Variants in CEP162 observed in about 807,000 individuals in gnomAD.
CEP162 encodes the protein centrosomal protein of 162 kDa.
CEP162 carries 141 observed loss-of-function variants against 169.2 expected under a neutral mutation model. The ratio of observed to expected loss-of-function variants is 0.83; its 90% CI spans 0.73 to 0.96. The LOEUF is 0.96. Among genes scored for constraint, CEP162 ranks in the 40% least tolerant of loss-of-function variants. The probability of loss-of-function intolerance (pLI) is 0.00; values close to 1 mark genes in which losing one functional copy is unlikely to be tolerated. For synonymous variants in CEP162, 540 were observed against 526.4 expected (o/e 1.03, Z -0.35); for missense variants, 1,600 against 1,587.2 (o/e 1.01, Z -0.14).
chr6:84,203,946 T>C, intron 7 of CEP162, 35 bp downstream of exon 7: 1 of 1,362,790 alleles, frequency 7.3e-7, no homozygotes, highest in South Asian at 1.3e-5. Flanking sequence ...AGAAAAAAGT[T>C]GCAAAACTGT....
chr6:84,184,124 C>T (rs752820175), intron 13 of CEP162, among the ~76,000 whole-genome samples: 4 of 152,162 alleles, frequency 2.6e-5, no homozygotes, highest in African/African-American at 4.8e-5. Context: ...CCTTCTTCCA[C>T]TGTGCACCAG....
At chr6:84,169,470 C>T in intron 17 of CEP162, 37 bp from the exon 18 acceptor site, 1 of 1,230,818 alleles carries the variant, frequency 8.1e-7, no homozygotes. Flanking sequence ...GTTTTTCTTT[C>T]TTACCAGGTG....
chr6:84,194,350 G>A lies in CEP162; in HGVS notation c.1027+534C>T, dbSNP rs1192349925. ...AGCCTGGGCGACAGAGCAAGACTCC[G>A]TCTCAAAAAAAAAAAAAGAAAAGAA... On this transcript the variant is annotated intron_variant, in intron 10 of 26. Coordinates refer to ENST00000403245, the MANE Select transcript of CEP162 (RefSeq NM_014895.4). 6.9e-5 allele frequency among the ~76,000 whole-genome samples: 9 copies of A among 130,664 alleles called. No homozygotes were observed. The South Asian group carries it at 1.2e-3, about 17-fold the overall frequency. The allele number at this position is 130,664 out of a possible 152,430, so 85.7% of individuals were successfully genotyped here. A position where few individuals can be genotyped will look rare whatever the true frequency, so the allele number is the denominator to read the frequency against.
intron 25 of CEP162, 99 bp from the exon 26 acceptor site, chr6:84,126,611 G>T: frequency 1.2e-6 from 1 of 800,612 alleles, no homozygotes; most frequent in Non-Finnish European, 1.9e-6. Context: ...CTCTATATAA[G>T]TAAGAGGCAC....
chr6:84,183,495 C>G (rs2099535790), intron 13 of CEP162, among the ~76,000 whole-genome samples: 2 of 152,112 alleles, frequency 1.3e-5, no homozygotes, highest in South Asian at 4.1e-4. Flanking sequence ...TAATCACCTA[C>G]TATGACTATC....
At chr6:84,141,558 C>G (rs1336935258) in intron 25 of CEP162, among the ~76,000 whole-genome samples, 4 of 152,148 alleles carry the variant, frequency 2.6e-5, no homozygotes, top group African/African-American at 9.7e-5. Context: ...TGAACAAATT[C>G]CTTTAATCCT....
Position 84,221,043 on chromosome 6 carries a change from T to G in CEP162, c.172+14A>C, listed in dbSNP as rs150991254. 1,214 of 1,396,386 alleles carry G rather than the reference T, an allele frequency of 8.7e-4. 9 individuals carry two copies. In the African/African-American group the frequency reaches 0.015, roughly 18 times the overall value. 86.5% of individuals were successfully genotyped at this position (1,396,386 alleles called of 1,614,324 possible). A position where few individuals can be genotyped will look rare whatever the true frequency, so the allele number is the denominator to read the frequency against. On this transcript the variant is annotated intron_variant, in intron 3 of 26. Transcript: ENST00000403245. ...TGGTCAAATAATTTGAAACTAAAAA[T>G]CAGCAACATTTACCATCATCTTTAA...
intron 3 of CEP162, among the ~76,000 whole-genome samples, chr6:84,220,650 A>AT (rs1249735350): frequency 4.0e-5 from 6 of 151,454 alleles, no homozygotes; most frequent in African/African-American, 4.9e-5. Flanking sequence ...ATGGCAGTAA[A>AT]TTTTTTTTTA....
At chr6:84,176,898 T>A (rs532168598) in intron 13 of CEP162, among the ~76,000 whole-genome samples, 3 of 152,148 alleles carry the variant, frequency 2.0e-5, no homozygotes, top group African/African-American at 7.2e-5. Flanking sequence ...ATTTTAATTT[T>A]TTTTTTTGAG....
chr6:84,216,992 C>T (rs1360480324), intron 3 of CEP162, among the ~76,000 whole-genome samples: 1 of 152,096 alleles, frequency 6.6e-6, no homozygotes, highest in Non-Finnish European at 1.5e-5. Flanking sequence ...CTGAGTATTA[C>T]TTATTTTATT....
chr6:84,125,049 A>T lies in CEP162; in HGVS notation c.*21T>A. On this transcript the variant is annotated 3_prime_UTR_variant, in exon 27 of 27. Coordinates refer to ENST00000403245, the MANE Select transcript of CEP162 (RefSeq NM_014895.4). ...CATCTTCAGGCCTTTTAATAAGGTC[A>T]TTATGAAATCTGAATTTCTATTAAT... The T allele has an allele frequency of 1.9e-6, 3 of 1,579,996 alleles. No individual in the cohort carries two copies. Among genetic ancestry groups the T allele is most frequent in the Non-Finnish European group, 8.7e-7 (1 of 1,151,642 alleles).
At chr6:84,176,454 A>C (rs1457439216) in intron 13 of CEP162, among the ~76,000 whole-genome samples, 1 of 152,172 alleles carries the variant, frequency 6.6e-6, no homozygotes, top group African/African-American at 2.4e-5. Context: ...GGCTTTCAAA[A>C]CTTCCAAATC....
Position 84,215,844 on chromosome 6 carries a change from G to T in CEP162, c.251C>A (p.Ala84Asp), listed in dbSNP as rs749847550. The T allele has an allele frequency of 1.9e-6, 3 of 1,585,464 alleles. No individual in the cohort carries two copies. The Admixed American group carries it at 5.4e-5, about 28-fold the overall frequency. The change falls in exon 4 of 27, where the codon GCT becomes GAT. Residue 84 changes from alanine to aspartate, a missense_variant. By Grantham distance (126) the Ala-to-Asp change is moderately radical (BLOSUM62 -2). Coordinates refer to ENST00000403245, the MANE Select transcript of CEP162 (RefSeq NM_014895.4). Reference sequence around the variant, plus strand: ...GCTCTTAAGAAATTGAATCTTTTCAGCAGACTCCTCTTCTATTTCCATAAC... The same window carrying T: ...GCTCTTAAGAAATTGAATCTTTTCATCAGACTCCTCTTCTATTTCCATAAC... ...QPVMEIEEES[A>D]EKIQFLKSSG...
chr6:84,202,518 C>CTTTTTTTTT (rs70987776), intron 7 of CEP162, among the ~76,000 whole-genome samples: 83 of 90,736 alleles, frequency 9.1e-4, no homozygotes, highest in Non-Finnish European at 1.2e-3. Context: ...TTCTTTCTTT[C>CTTTTTTTTT]TTTTTTTTTT....
At chr6:84,203,806 T>C (rs2127735922) in intron 7 of CEP162, among the ~76,000 whole-genome samples, 175 bp downstream of exon 7, 1 of 152,272 alleles carries the variant, frequency 6.6e-6, no homozygotes. Flanking sequence ...AAGATTTACA[T>C]TAATTTAATA....
chr6:84,151,220 C>T (rs1238174294), intron 23 of CEP162, among the ~76,000 whole-genome samples: 2 of 151,690 alleles, frequency 1.3e-5, no homozygotes, highest in Non-Finnish European at 2.9e-5. Context: ...AGCAGAGTGA[C>T]CCAGGTATAT....
intron 13 of CEP162, among the ~76,000 whole-genome samples, chr6:84,183,224 T>C (rs2099535690): frequency 1.3e-5 from 2 of 152,146 alleles, no homozygotes; most frequent in Admixed American, 1.3e-4. Flanking sequence ...AAGAATATTA[T>C]TTCACTTTAC....
At chr6:84,226,874 A>G in intron 1 of CEP162, among the ~76,000 whole-genome samples, 1 of 152,188 alleles carries the variant, frequency 6.6e-6, no homozygotes, top group East Asian at 1.9e-4. Context: ...TCGGCTCGTT[A>G]TTTTACCAAT....
At chr6:84,170,373 CAAAAAAAAAAAAAAAAA>C (rs57988482) in intron 17 of CEP162, among the ~76,000 whole-genome samples, 3 of 28,332 alleles carry the variant, frequency 1.1e-4, no homozygotes, top group Non-Finnish European at 3.8e-4. Flanking sequence ...GACTCCGTCT[CAAAAAAAAAAAAAAAAA>C]AAAAAAAAAA....
Sources: gnomAD v4.1 joint callset for allele counts (sites outside exome capture counted in the v4.1 genomes callset) on GRCh38, gnomAD v4.1.1 for gene constraint, MANE v1.5 for transcripts, NCBI Gene and HGNC (gene_info 2026-07-23, HGNC 2026-07-21) for gene names.